The following FSIP1 variants were observed in gnomAD, a reference collection of about 807,000 sequenced individuals.
The protein encoded by FSIP1 is fibrous sheath interacting protein 1, also known as fibrous sheath-interacting protein 1.
In FSIP1, 65 loss-of-function variants were observed where a neutral mutation model predicts 60.9. That is an observed-to-expected ratio of 1.07 (90% CI 0.87 to 1.31). The LOEUF is 1.31. Ranked by LOEUF, FSIP1 falls within the 40% of genes most tolerant of loss-of-function variation. The pLI, the probability that FSIP1 is intolerant of heterozygous loss-of-function variation, is 0.00. For missense variants in FSIP1, 675 were observed against 665.5 expected, an observed-to-expected ratio of 1.01 and a Z score of -0.16; for synonymous variants, 209 against 221.2, an observed-to-expected ratio of 0.94 and a Z score of 0.49.
chr15:39,716,794 T>C (rs2140563324), intron 9 of FSIP1, among the ~76,000 whole-genome samples: 1 of 146,786 alleles, frequency 6.8e-6, no homozygotes, highest in African/African-American at 2.5e-5. Flanking sequence ...TACAACCACT[T>C]TGAAAAACAG....
chr15:39,754,222 A>C (rs1897242860), intron 5 of FSIP1, among the ~76,000 whole-genome samples: 1 of 152,062 alleles, frequency 6.6e-6, no homozygotes, highest in South Asian at 2.1e-4. Context: ...GCAAACAACC[A>C]TGTGAGTGAG....
chr15:39,677,994 C>CAA (rs113315024), intron 10 of FSIP1, among the ~76,000 whole-genome samples: 2 of 100,884 alleles, frequency 2.0e-5, no homozygotes, highest in African/African-American at 3.5e-5. Flanking sequence ...GAATTCGTCT[C>CAA]AAAAAAAAAA....
At chr15:39,746,787 G>A (rs1897008198) in intron 5 of FSIP1, among the ~76,000 whole-genome samples, 1 of 152,022 alleles carries the variant, frequency 6.6e-6, no homozygotes, top group Admixed American at 6.6e-5. Context: ...AAGAACTGAT[G>A]AATATAAAAA....
Position 39,600,692 on chromosome 15 carries a change from C to A in FSIP1, c.*188G>T. On this transcript the variant is annotated 3_prime_UTR_variant, in exon 12 of 12. Coordinates refer to ENST00000350221, the MANE Select transcript of FSIP1 (RefSeq NM_152597.5). ...TCCCAGAAATTTTAATGAGCAAAAA[C>A]CACTGAACAATTACACCCCAAGTCT... 4.0e-6 allele frequency: 2 copies of A among 502,768 alleles called. No individual in the cohort carries two copies. Among genetic ancestry groups the A allele is most frequent in the East Asian group, 3.4e-5 (1 of 29,036 alleles). The allele number at this position is 502,768 out of a possible 1,614,324, so 31.1% of individuals were successfully genotyped here. A position where few individuals can be genotyped will look rare whatever the true frequency, so the allele number is the denominator to read the frequency against.
intron 10 of FSIP1, among the ~76,000 whole-genome samples, chr15:39,706,335 C>T (rs1895268725): frequency 6.6e-6 from 1 of 152,170 alleles, no homozygotes; most frequent in Non-Finnish European, 1.5e-5. Flanking sequence ...ATATCGCTGT[C>T]CCAATCTTTA....
intron 11 of FSIP1, among the ~76,000 whole-genome samples, chr15:39,605,913 G>C (rs145059660): frequency 6.6e-6 from 1 of 152,192 alleles, no homozygotes; most frequent in Non-Finnish European, 1.5e-5. Context: ...GAGAGAGAGA[G>C]AAATTAACTA....
At chr15:39,726,486 C>G in intron 9 of FSIP1, 103 bp downstream of exon 9, 1 of 1,157,444 alleles carries the variant, frequency 8.6e-7, no homozygotes, top group East Asian at 2.4e-5. Context: ...TGTTATGAAA[C>G]TATGATCACT....
Position 39,617,855 on chromosome 15 carries a change from G to C in FSIP1, c.1579C>G (p.Leu527Val), listed in dbSNP as rs1260848907. ...GGCCTTTTCAGTCTCCCAATGCCAAGAGTCTTCGACATAAAATAGTCTTTT... is the reference window on the plus strand; with the variant it reads ...GGCCTTTTCAGTCTCCCAATGCCAACAGTCTTCGACATAAAATAGTCTTTT... ...DTKDYFMSKT[L>V]GIGRLKRPSF... The change falls in exon 11 of 12, where the codon CTT becomes GTT. Residue 527 changes from leucine to valine, a missense_variant. Physicochemically the swap from Leu to Val is conservative, Grantham distance 32. Coordinates refer to ENST00000350221, the MANE Select transcript of FSIP1 (RefSeq NM_152597.5). 1 of 1,614,020 alleles carries C rather than the reference G, an allele frequency of 6.2e-7. No individual in the cohort carries two copies. The highest frequency in any genetic ancestry group is 8.5e-7 in the Non-Finnish European group (1 of 1,180,018).
chr15:39,620,421 A>T (rs1012744414), intron 10 of FSIP1, among the ~76,000 whole-genome samples: 4 of 152,178 alleles, frequency 2.6e-5, no homozygotes, highest in Non-Finnish European at 5.9e-5. Context: ...ATATAGAGGT[A>T]AAATTAGGAA....
At chr15:39,734,380 A>T (rs78702591) in intron 8 of FSIP1, among the ~76,000 whole-genome samples, 2 of 152,206 alleles carry the variant, frequency 1.3e-5, no homozygotes, top group African/African-American at 4.8e-5. Context: ...GATGTGGCTA[A>T]AAATTTTGGC....
chr15:39,607,770 C>T (rs1217199235), intron 11 of FSIP1, among the ~76,000 whole-genome samples: 11 of 152,294 alleles, frequency 7.2e-5, no homozygotes, highest in East Asian at 3.9e-4. Flanking sequence ...AAGACAACTA[C>T]GTATCAGTAA....
chr15:39,768,891 G>GA (rs993338632), intron 3 of FSIP1, among the ~76,000 whole-genome samples: 55 of 152,036 alleles, frequency 3.6e-4, no homozygotes, highest in African/African-American at 1.2e-3. Context: ...TAATCATTTG[G>GA]AAAAAAGTGG....
At chr15:39,601,248 A>C (rs549986661) in intron 11 of FSIP1, among the ~76,000 whole-genome samples, 1 of 152,350 alleles carries the variant, frequency 6.6e-6, no homozygotes, top group Non-Finnish European at 1.5e-5. Context: ...GTACAGTGAG[A>C]CCAAAAGTAA....
chr15:39,773,504 TTGAA>T (rs1897955449), intron 2 of FSIP1, among the ~76,000 whole-genome samples: 1 of 152,230 alleles, frequency 6.6e-6, no homozygotes, highest in Non-Finnish European at 1.5e-5. Flanking sequence ...TTAATAAGTC[TTGAA>T]TGAAGTAATA....
At position 39,617,806 on chromosome 15, in the gene FSIP1, T is replaced by C. The variant is rs1280059320; in HGVS notation, c.1628A>G (p.Tyr543Cys). The C allele has an allele frequency of 5.0e-6, 8 of 1,613,808 alleles. No homozygotes were observed. Among genetic ancestry groups the C allele is most frequent in the South Asian group, 3.3e-5 (3 of 91,088 alleles). Residue 543 changes from tyrosine to cysteine, a missense_variant, in exon 11 of 12, where the codon TAT (tyrosine) becomes TGT (cysteine). Tyr to Cys is a radical substitution (Grantham distance 194). Transcript: ENST00000350221. ...TGATGAAAGGCTCACACTGATACCATACAGTGGATCATCTAAGAAGGAGGG... is the reference window on the plus strand; with the variant it reads ...TGATGAAAGGCTCACACTGATACCACACAGTGGATCATCTAAGAAGGAGGG... Reference protein sequence around the residue: ...KRPSFLDDPLYGISVSLSSED... With the variant: ...KRPSFLDDPLCGISVSLSSED...
At chr15:39,644,391 G>A (rs1484839121) in intron 10 of FSIP1, among the ~76,000 whole-genome samples, 1 of 152,132 alleles carries the variant, frequency 6.6e-6, no homozygotes, top group Non-Finnish European at 1.5e-5. Flanking sequence ...CCGGGGACAG[G>A]TCACCCCAGA....
At chr15:39,759,595 G>A (rs1244785375) in intron 5 of FSIP1, among the ~76,000 whole-genome samples, 1 of 152,078 alleles carries the variant, frequency 6.6e-6, no homozygotes, top group Non-Finnish European at 1.5e-5. Context: ...TTCTATAGCG[G>A]CCCTAACAAA....
At chr15:39,720,999 G>A (rs1895943630) in intron 9 of FSIP1, among the ~76,000 whole-genome samples, 1 of 152,160 alleles carries the variant, frequency 6.6e-6, no homozygotes, top group African/African-American at 2.4e-5. Context: ...TTTATGCTAA[G>A]GAAATCAGAT....
chr15:39,659,627 T>TAA lies in FSIP1; in HGVS notation c.1189-41384_1189-41383dup, dbSNP rs10648104. ...TTATATCTCAATAAAGCTGTTATTT[T>TAA]AAAAAAAAAAAAAAAAAGCAATGGC... On this transcript the variant is annotated intron_variant, in intron 10 of 11. Coordinates refer to ENST00000350221, the MANE Select transcript of FSIP1 (RefSeq NM_152597.5). Among the ~76,000 whole-genome samples, 1,161 of 137,994 alleles carry TAA rather than the reference T, an allele frequency of 8.4e-3. 15 individuals are homozygous for TAA. The highest frequency in any genetic ancestry group is 0.03 in the African/African-American group (1,087 of 36,750). 90.5% of individuals were successfully genotyped at this position (137,994 alleles called of 152,430 possible).
Sources: gnomAD v4.1 joint callset for allele counts (sites outside exome capture counted in the v4.1 genomes callset) on GRCh38, gnomAD v4.1.1 for gene constraint, MANE v1.5 for transcripts, NCBI Gene and HGNC (gene_info 2026-07-23, HGNC 2026-07-21) for gene names.